RIMS2: variants seen among roughly 807,000 people sequenced by gnomAD.
The protein encoded by RIMS2 is regulating synaptic membrane exocytosis protein 2.
Under a neutral mutation model 174.4 loss-of-function variants are expected in RIMS2, and 59 were observed. The ratio of observed to expected loss-of-function variants is 0.34; its 90% CI spans 0.27 to 0.42. The LOEUF (loss-of-function observed/expected upper bound fraction) is 0.42. RIMS2 is among the 10% of genes least tolerant of loss of function. The pLI is 1.00. For missense variants in RIMS2, 1,620 were observed against 1,666.3 expected (o/e 0.97, Z 0.48); for synonymous variants, 606 against 572.5 (o/e 1.06, Z -0.84).
rs189865128 is a variant in RIMS2, at chr8:104,106,022, G to A, written c.3334+91407G>A. On this transcript the variant is annotated intron_variant, in intron 19 of 23. Coordinates refer to ENST00000504942, the Ensembl canonical transcript of RIMS2. ...CCACTGCACTCCAGCCTGGGTGACA[G>A]AGAAGACTCTGCCACAAAAAAAAAA... is the stretch of plus-strand genomic sequence containing the variant. 2.5e-4 allele frequency among the ~76,000 whole-genome samples: 22 copies of A among 88,530 alleles called. No individual in the cohort carries two copies. In the East Asian group the frequency reaches 9.6e-3, roughly 39 times the overall value. The allele number at this position is 88,530 out of a possible 152,430, so 58.1% of individuals were successfully genotyped here.
chr8:103,813,417 T>A (rs992465055), intron 3 of RIMS2, among the ~76,000 whole-genome samples: 2 of 152,052 alleles, frequency 1.3e-5, no homozygotes, highest in Non-Finnish European at 2.9e-5. Context: ...TCTTTCTTTA[T>A]TATACTTTAA....
chr8:103,766,072 ATATT>A (rs1180064027), intron 2 of RIMS2, among the ~76,000 whole-genome samples, 151 bp from the exon 6 acceptor site: 2 of 152,166 alleles, frequency 1.3e-5, no homozygotes, highest in Non-Finnish European at 2.9e-5. Flanking sequence ...AAGAAAGTAT[ATATT>A]ATTTAATTTA....
At chr8:103,539,571 A>G (rs10107074) in intron 1 of RIMS2, among the ~76,000 whole-genome samples, 27,681 of 152,142 alleles carry the variant, frequency 0.18, 2,769 homozygotes, top group African/African-American at 0.26. Context: ...AGTATGAGCT[A>G]TATTGTTGAA....
At chr8:103,853,783 T>C (rs2099012193) in intron 3 of RIMS2, among the ~76,000 whole-genome samples, 1 of 152,166 alleles carries the variant, frequency 6.6e-6, no homozygotes, top group South Asian at 2.1e-4. Flanking sequence ...TTGGTTACTG[T>C]AGAATTATTG....
At chr8:103,608,839 C>G (rs1368361316) in intron 1 of RIMS2, among the ~76,000 whole-genome samples, 3 of 152,218 alleles carry the variant, frequency 2.0e-5, no homozygotes, top group Non-Finnish European at 4.4e-5. Flanking sequence ...AATGCCTCGC[C>G]CTGCTTTGGC....
intron 19 of RIMS2, among the ~76,000 whole-genome samples, chr8:104,135,670 A>G (rs1384693695): frequency 1.3e-5 from 2 of 151,470 alleles, no homozygotes; most frequent in Non-Finnish European, 2.9e-5. Context: ...ACAGAGAAGC[A>G]GCATGTGGTA....
rs532329888 is a variant in RIMS2 at position 103,913,809 on chromosome 8, C to G, written c.1812+1637C>G. Among the ~76,000 whole-genome samples, 55 of 152,194 alleles carry G rather than the reference C, an allele frequency of 3.6e-4. No individual in the cohort carries two copies. The South Asian group carries it at 9.7e-3, about 27-fold the overall frequency. On this transcript the variant is annotated intron_variant, in intron 6 of 23. Coordinates refer to ENST00000504942, the Ensembl canonical transcript of RIMS2. ...TTTAAATGACCAGATCTTGCAAGAA[C>G]TCACTATCACAAAGACAGCACCAAG...
intron 19 of RIMS2, among the ~76,000 whole-genome samples, chr8:104,024,541 C>CGTTGTT (rs55642714): frequency 4.0e-4 from 61 of 151,464 alleles, no homozygotes; most frequent in African/African-American, 1.0e-3. Context: ...CAACCGGTTT[C>CGTTGTT]GTTGTTGTTG....
At position 104,039,377 on chromosome 8, in the gene RIMS2, G is replaced by A. The variant is rs796820452; in HGVS notation, c.3334+24762G>A. On this transcript the variant is annotated intron_variant, in intron 19 of 23. Coordinates refer to ENST00000504942, the Ensembl canonical transcript of RIMS2. ...ATTGGGTAAGTCACTGGAACTATGT[G>A]TGCCTCTGCTATTCACTAAAATTAA... Among the ~76,000 whole-genome samples the A allele has an allele frequency of 2.6e-5, 4 of 151,664 alleles. No homozygotes were observed. The East Asian group carries it at 7.7e-4, about 29-fold the overall frequency.
intron 1 of RIMS2, among the ~76,000 whole-genome samples, chr8:103,535,888 C>A (rs1374064485): frequency 1.3e-5 from 2 of 151,984 alleles, no homozygotes; most frequent in Admixed American, 1.3e-4. Context: ...AGCAAAAAAT[C>A]CAGGGGGAAG....
chr8:104,158,421 G>C (rs1471506417), intron 19 of RIMS2, among the ~76,000 whole-genome samples: 4 of 152,174 alleles, frequency 2.6e-5, no homozygotes, highest in Non-Finnish European at 4.4e-5. Context: ...CCAGTAATGG[G>C]ATTGCTGGGT....
In RIMS2 at chr8:103,849,676, G is replaced by A. The variant is rs1299029224; in HGVS notation, c.699-35622G>A. Reference sequence around the variant, plus strand: ...GGAGGTGACTTCTGTTAGTTGAGGGGACCAGTTCTCTGCAGAAGGGAAAAT... The same window carrying A: ...GGAGGTGACTTCTGTTAGTTGAGGGAACCAGTTCTCTGCAGAAGGGAAAAT... On this transcript the variant is annotated intron_variant, in intron 3 of 23. Coordinates refer to ENST00000504942, the Ensembl canonical transcript of RIMS2. Among the ~76,000 whole-genome samples, 4 of 152,076 alleles carry A rather than the reference G, an allele frequency of 2.6e-5. No individual in the cohort carries two copies. In the East Asian group the frequency reaches 7.7e-4, roughly 29 times the overall value.
rs59348302 is a variant in RIMS2 at position 103,734,014 on chromosome 8, C to CTTTTTTTTTTTTT, written c.388-32200_388-32188dup. 1.4e-3 allele frequency among the ~76,000 whole-genome samples: 120 copies of CTTTTTTTTTTTTT among 85,732 alleles called. 8 individuals are homozygous for CTTTTTTTTTTTTT. The highest frequency in any genetic ancestry group is 5.9e-3 in the African/African-American group (109 of 18,580). The allele number at this position is 85,732 out of a possible 152,430, so 56.2% of individuals were successfully genotyped here. On this transcript the variant is annotated intron_variant, in intron 2 of 23. Transcript: ENST00000504942. ...CTTGCTTTACCTCTCCTAAAAGCTT[C>CTTTTTTTTTTTTT]TTTTTTTTTTTTTTTTTTTTTTTTT... is the stretch of plus-strand genomic sequence containing the variant.
intron 3 of RIMS2, chr8:103,819,719 T>G: frequency 1.0e-6 from 1 of 973,568 alleles, no homozygotes; most frequent in African/African-American, 1.7e-5. Flanking sequence ...ATTGAAGTGC[T>G]AGTGTTATAA....
chr8:103,815,868 T>C (rs185833148), intron 3 of RIMS2, among the ~76,000 whole-genome samples: 24 of 152,300 alleles, frequency 1.6e-4, no homozygotes, highest in Non-Finnish European at 3.2e-4. Flanking sequence ...CATGAGATTT[T>C]AATACAGTAA....
chr8:104,201,752 G>A (rs147387266), intron 19 of RIMS2, among the ~76,000 whole-genome samples: 7 of 152,196 alleles, frequency 4.6e-5, no homozygotes, highest in Admixed American at 4.6e-4. Flanking sequence ...TGATTTGAAC[G>A]AGTTATAATT....
At chr8:103,896,581 G>A (rs1214625667) in intron 4 of RIMS2, among the ~76,000 whole-genome samples, 3 of 151,546 alleles carry the variant, frequency 2.0e-5, no homozygotes, top group Non-Finnish European at 4.4e-5. Context: ...CTATCTAGAA[G>A]TACCACCTTT....
chr8:103,957,394 G>T (rs2087755400), intron 14 of RIMS2, among the ~76,000 whole-genome samples: 3 of 152,206 alleles, frequency 2.0e-5, no homozygotes, highest in Admixed American at 1.3e-4. Flanking sequence ...TAAAGAAAAT[G>T]TGGCACATAC....
intron 3 of RIMS2, among the ~76,000 whole-genome samples, chr8:103,812,342 T>TG (rs540679586): frequency 0.015 from 1,658 of 113,324 alleles, 29 homozygotes; most frequent in South Asian, 0.054. Context: ...TTTTTTTTTT[T>TG]TTTTTTTTTT....
Sources: allele counts gnomAD v4.1 joint callset (sites outside exome capture counted in the v4.1 genomes callset), GRCh38; gene constraint gnomAD v4.1.1; transcripts MANE v1.5; gene names NCBI Gene and HGNC (gene_info 2026-07-23, HGNC 2026-07-21).